The following APBB1 variants were observed in gnomAD, a reference collection of about 807,000 sequenced individuals.
APBB1 encodes the protein adaptor protein FE65a2.
In APBB1, 22 loss-of-function variants were observed where a neutral mutation model predicts 78.4. That is an observed-to-expected ratio of 0.28 (90% confidence interval 0.20 to 0.40). The LOEUF is 0.40. Ranked by LOEUF, APBB1 falls within the 10% of genes least tolerant of loss-of-function variation. The pLI is 1.00. For missense variants in APBB1, 749 were observed against 932.4 expected, an observed-to-expected ratio of 0.80 and a Z score of 2.56; for synonymous variants, 369 against 372.7, an observed-to-expected ratio of 0.99 and a Z score of 0.12.
intron 1 of APBB1, among the ~76,000 whole-genome samples, chr11:6,413,480 C>T (rs1278075998): frequency 6.6e-6 from 1 of 152,184 alleles, no homozygotes; most frequent in African/African-American, 2.4e-5. Context: ...GGTCTTGCAG[C>T]TACCTGAGCA....
Position 6,395,793 on chromosome 11 carries a change from G to A in APBB1, c.1958C>T (p.Ala653Val). Residue 653 changes from alanine (A) to valine (V), a missense_variant, in exon 14 of 15, where the codon GCG becomes GTG. Around this residue, in one of 3 missense-constraint regions of APBB1, gnomAD observed 96 missense variants for 116.0 expected, o/e 0.83. Coordinates refer to ENST00000609360, the MANE Select transcript of APBB1 (RefSeq NM_001164.5). This position sits in a 1 kb window ranked among gnomAD's most constrained non-coding sequence, Gnocchi z 5.2. ...ACCCTACTAGTAGCTTACCATGCAC[G>A]CAGCCTGCACAGCCTCTGAGAGGCT... Reference protein sequence around the residue: ...AASLSEAVQAACMLRYQKCLD... With the variant: ...AASLSEAVQAVCMLRYQKCLD... The A allele has an allele frequency of 1.9e-6, 3 of 1,613,884 alleles. No individual in the cohort carries two copies. Among genetic ancestry groups the A allele is most frequent in the Non-Finnish European group, 2.5e-6 (3 of 1,179,918 alleles).
chr11:6,416,441 C>T (rs1694825831), intron 1 of APBB1, among the ~76,000 whole-genome samples: 2 of 152,174 alleles, frequency 1.3e-5, no homozygotes, highest in African/African-American at 2.4e-5. Context: ...GAGCTCCAGA[C>T]AAGTACATTC....
intron 2 of APBB1, among the ~76,000 whole-genome samples, chr11:6,404,388 A>G (rs1848689598): frequency 6.6e-6 from 1 of 152,130 alleles, no homozygotes; most frequent in Non-Finnish European, 1.5e-5. Flanking sequence ...GTGTGTGTGC[A>G]TGCAGCTAAA....
At chr11:6,415,241 G>T (rs1476430605) in intron 1 of APBB1, among the ~76,000 whole-genome samples, 3 of 152,216 alleles carry the variant, frequency 2.0e-5, no homozygotes, top group Non-Finnish European at 2.9e-5. Context: ...CCTCGGGGCA[G>T]GAAGTGAAAG....
intron 1 of APBB1, among the ~76,000 whole-genome samples, chr11:6,412,306 C>A (rs983302870): frequency 6.6e-6 from 1 of 152,208 alleles, no homozygotes; most frequent in Non-Finnish European, 1.5e-5. Flanking sequence ...GTGCCCACCA[C>A]CACGCCCAGG....
In APBB1 at chr11:6,403,125, G is replaced by A. The variant is rs1369591189; in HGVS notation, c.1104+20C>T. 6.3e-7 allele frequency: 1 copy of A among 1,597,590 alleles called. No individual in the cohort carries two copies. The highest frequency in any genetic ancestry group is 8.5e-7 in the Non-Finnish European group (1 of 1,172,634). Reference sequence around the variant, plus strand: ...ATAAGAGGGCCCCAGACTCAGAATGGGTGTCAGTCTTGAACAAACCTTGAT... The same window carrying A: ...ATAAGAGGGCCCCAGACTCAGAATGAGTGTCAGTCTTGAACAAACCTTGAT... On this transcript the variant is annotated intron_variant, in intron 6 of 14. Coordinates refer to ENST00000609360, the MANE Select transcript of APBB1 (RefSeq NM_001164.5). This position sits in a 1 kb window ranked among gnomAD's most constrained non-coding sequence, Gnocchi z 5.3.
rs763823283 is a variant in APBB1, at chr11:6,401,669, G to T, written c.1408C>A (p.Arg470Ser). 7 of 1,614,026 alleles carry T rather than the reference G, an allele frequency of 4.3e-6. No individual in the cohort carries two copies. The highest frequency in any genetic ancestry group is 4.5e-5 in the East Asian group (2 of 44,890). ...TTGAGCATCTGGGTCAGCTTATCAC[G>T]AGCTACGTAGGCAAAGTCCCTGTTG... ...GRERDFAYVA[R>S]DKLTQMLKCH... The change falls in exon 10 of 15, where the codon CGT (arginine) becomes AGT (serine). Residue 470 changes from arginine to serine, a missense_variant. By Grantham distance (110) the Arg-to-Ser change is moderately radical. Around this residue, in one of 3 missense-constraint regions of APBB1, gnomAD observed 635 missense variants for 765.0 expected, o/e 0.83. Coordinates refer to ENST00000609360, the MANE Select transcript of APBB1 (RefSeq NM_001164.5). This position sits in a 1 kb window ranked among gnomAD's most constrained non-coding sequence, Gnocchi z 4.5.
intron 2 of APBB1, chr11:6,405,312 G>A (rs143293434): frequency 2.0e-6 from 2 of 988,338 alleles, no homozygotes; most frequent in African/African-American, 3.5e-5. Context: ...ACCCAAGGGT[G>A]GGCTTTGAGG....
At chr11:6,414,927 A>G (rs764187258) in intron 1 of APBB1, among the ~76,000 whole-genome samples, 26 of 152,306 alleles carry the variant, frequency 1.7e-4, no homozygotes, top group Middle Eastern at 3.4e-3. Flanking sequence ...ATCTGAGAAG[A>G]GTGCATGCAC....
In APBB1 at chr11:6,401,600, T is replaced by C; in HGVS notation, c.1477A>G (p.Thr493Ala). The C allele has an allele frequency of 6.2e-7, 1 of 1,614,128 alleles. No individual in the cohort carries two copies. The highest frequency in any genetic ancestry group is 8.5e-7 in the Non-Finnish European group (1 of 1,180,016). The change falls in exon 10 of 15, where the codon ACC (threonine) becomes GCC (alanine). Residue 493 changes from threonine (T) to alanine (A), a missense_variant. Thr to Ala is a moderately conservative substitution (Grantham distance 58, BLOSUM62 0). Transcript: ENST00000609360. This position sits in a 1 kb window ranked among gnomAD's most constrained non-coding sequence, Gnocchi z 4.5. ...TTAGAGCAGATCTCATGCAGGCTGG[T>C]GGCGATGTTCTTGGCAGGTGCCTCA... ...RCEAPAKNIATSLHEICSKIM... is the reference protein window; with the variant it reads ...RCEAPAKNIAASLHEICSKIM...
intron 2 of APBB1, among the ~76,000 whole-genome samples, chr11:6,408,780 A>T (rs1848887165): frequency 6.6e-6 from 1 of 152,212 alleles, no homozygotes. Context: ...CTGGGATTAC[A>T]GGCATAAGCC....
intron 1 of APBB1, among the ~76,000 whole-genome samples, chr11:6,415,910 AT>A (rs1297719834): frequency 1.1e-4 from 16 of 152,042 alleles, no homozygotes; most frequent in Admixed American, 8.5e-4. Context: ...GCTCCTCCAG[AT>A]CCACTCACTG....
In APBB1 at chr11:6,401,187, C is replaced by G; in HGVS notation, c.1589-115G>C. 1 of 1,611,900 alleles carries G rather than the reference C, an allele frequency of 6.2e-7. No individual in the cohort carries two copies. Among genetic ancestry groups the G allele is most frequent in the Non-Finnish European group, 8.5e-7 (1 of 1,178,836 alleles). On this transcript the variant is annotated intron_variant, in intron 11 of 14. Transcript: ENST00000609360. This position sits in a 1 kb window ranked among gnomAD's most constrained non-coding sequence, Gnocchi z 4.5. ...CCGAGGCCCTACTTTCATCTCGTCCCCTGCCTCCCTTTAACCGGAGTCCCT... is the reference window on the plus strand; with the variant it reads ...CCGAGGCCCTACTTTCATCTCGTCCGCTGCCTCCCTTTAACCGGAGTCCCT...
intron 1 of APBB1, among the ~76,000 whole-genome samples, chr11:6,412,540 C>T (rs553984032): frequency 7.9e-5 from 12 of 152,200 alleles, no homozygotes; most frequent in Non-Finnish European, 1.6e-4. Context: ...CTCCGCCCCT[C>T]CTCAGCAATC....
At chr11:6,402,793 G>A (rs1471462974) in intron 6 of APBB1, 68 bp from the exon 7 acceptor site, 1 of 1,582,880 alleles carries the variant, frequency 6.3e-7, no homozygotes, top group Admixed American at 1.7e-5. Context: ...CCTGACTACA[G>A]AGTGTGGCAG....
At chr11:6,418,787 T>G (rs1314576968) in intron 1 of APBB1, among the ~76,000 whole-genome samples, 198 bp downstream of exon 1, 1 of 152,014 alleles carries the variant, frequency 6.6e-6, no homozygotes, top group Non-Finnish European at 1.5e-5. Context: ...AGGGACGGTG[T>G]GAGGGCCCGA....
In APBB1 at chr11:6,401,272, C is replaced by A; in HGVS notation, c.1588+73G>T. 6.2e-7 allele frequency: 1 copy of A among 1,613,366 alleles called. No individual in the cohort carries two copies. Among genetic ancestry groups the A allele is most frequent in the Non-Finnish European group, 8.5e-7 (1 of 1,179,672 alleles). ...TTTTTCTATCAGCGCTGTCCAGGAG[C>A]TCATGCCTTTCCTTGGGTCACCCAC... is the stretch of plus-strand genomic sequence containing the variant. On this transcript the variant is annotated intron_variant, in intron 11 of 14. Transcript: ENST00000609360. The surrounding 1 kb of genome is among the most constrained non-coding windows in gnomAD (Gnocchi z 4.5).
At chr11:6,409,240 T>G (rs918488668) in intron 2 of APBB1, among the ~76,000 whole-genome samples, 3 of 151,982 alleles carry the variant, frequency 2.0e-5, no homozygotes, top group Non-Finnish European at 4.4e-5. Context: ...TCCCGGCTAA[T>G]TTTTTTGTCT....
intron 1 of APBB1, among the ~76,000 whole-genome samples, chr11:6,412,378 C>A (rs1848989252): frequency 6.6e-6 from 1 of 152,168 alleles, no homozygotes; most frequent in Non-Finnish European, 1.5e-5. Flanking sequence ...ATCTCAAACT[C>A]CTGACCTCGT....
Sources: gnomAD v4.1 joint callset for allele counts (sites outside exome capture counted in the v4.1 genomes callset) on GRCh38, gnomAD v4.1.1 for gene constraint, gnomAD v4.1.1 regional missense constraint, Gnocchi (gnomAD v3.1) non-coding constraint, MANE v1.5 for transcripts, NCBI Gene and HGNC (gene_info 2026-07-23, HGNC 2026-07-21) for gene names.